Variants in C12orf42 observed in about 807,000 individuals in gnomAD.
The protein encoded by C12orf42 is chromosome 12 open reading frame 42, also known as uncharacterized protein C12orf42.
A neutral mutation model predicts 21.6 loss-of-function variants in C12orf42; 25 were observed. The ratio of observed to expected loss-of-function variants is 1.16; its 90% confidence interval spans 0.84 to 1.62. The LOEUF (loss-of-function observed/expected upper bound fraction) is 1.62. Ranked by LOEUF, C12orf42 falls within the 40% of genes most tolerant of loss-of-function variation. The pLI is 0.00. For synonymous variants in C12orf42, 174 were observed against 175.0 expected (o/e 0.99, Z 0.05); for missense variants, 483 against 459.3 (o/e 1.05, Z -0.47).
At chr12:103,192,238 C>T in the C12orf42 span, among the ~76,000 whole-genome samples, 1 of 152,090 alleles carries the variant, frequency 6.6e-6, no homozygotes, top group Non-Finnish European at 1.5e-5. Context: ...ACACATAGGG[C>T]TCATGTCTGT....
chr12:103,224,116 T>A, the C12orf42 span, among the ~76,000 whole-genome samples: 1 of 151,706 alleles, frequency 6.6e-6, no homozygotes. Flanking sequence ...AGGAAAGGCC[T>A]CTACCTATCC....
chr12:103,232,294 A>AT, the C12orf42 span, among the ~76,000 whole-genome samples: 1 of 152,028 alleles, frequency 6.6e-6, no homozygotes, highest in Admixed American at 6.6e-5. Flanking sequence ...GCACAGTAGA[A>AT]TTTTTTTATA....
intron 4 of C12orf42, among the ~76,000 whole-genome samples, chr12:103,350,645 T>C (rs1339784058): frequency 6.6e-6 from 1 of 152,178 alleles, no homozygotes; most frequent in African/African-American, 2.4e-5. Context: ...GATCTTGGAA[T>C]GTATTTCCCC....
chr12:103,520,903 T>C, the C12orf42 span, among the ~76,000 whole-genome samples: 12 of 152,162 alleles, frequency 7.9e-5, no homozygotes, highest in African/African-American at 2.9e-4. Flanking sequence ...TTTATTGCCT[T>C]CATTGTGAAG....
chr12:103,521,831 C>A, the C12orf42 span, among the ~76,000 whole-genome samples: 1 of 152,232 alleles, frequency 6.6e-6, no homozygotes, highest in Non-Finnish European at 1.5e-5. Context: ...GGAGCCCCAA[C>A]CAGTTGCAGT....
chr12:103,216,629 C>A, the C12orf42 span, among the ~76,000 whole-genome samples: 264 of 152,108 alleles, frequency 1.7e-3, no homozygotes, highest in Admixed American at 3.4e-3. Flanking sequence ...CCACCCGCCT[C>A]GGCCTCCTAA....
At chr12:103,233,458 T>A (rs2033368877), downstream of C12orf42, among the ~76,000 whole-genome samples, 1 of 152,230 alleles carries the variant, frequency 6.6e-6, no homozygotes. Context: ...TCCAGGAACA[T>A]GAAATAACTC....
intron 4 of C12orf42, among the ~76,000 whole-genome samples, chr12:103,367,712 C>G (rs559566163): frequency 1.3e-5 from 2 of 152,072 alleles, no homozygotes; most frequent in African/African-American, 4.8e-5. Flanking sequence ...AGGAAAAAGA[C>G]TGTCTACTAT....
chr12:103,307,362 G>C (rs1200614237), intron 4 of C12orf42, among the ~76,000 whole-genome samples: 1 of 152,178 alleles, frequency 6.6e-6, no homozygotes, highest in Non-Finnish European at 1.5e-5. Flanking sequence ...AGAGAGAAAA[G>C]AGCTATACCA....
At chr12:103,367,722 T>C (rs979296290) in intron 4 of C12orf42, among the ~76,000 whole-genome samples, 1 of 151,992 alleles carries the variant, frequency 6.6e-6, no homozygotes, top group Non-Finnish European at 1.5e-5. Flanking sequence ...CTGTCTACTA[T>C]GTACCTCTTT....
At chr12:103,068,933 A>T in the C12orf42 span, among the ~76,000 whole-genome samples, 38 of 45,758 alleles carry the variant, frequency 8.3e-4, no homozygotes, top group Non-Finnish European at 1.2e-3. Flanking sequence ...CTCTCTCTCC[A>T]CATATATATA....
rs529885851 is a variant in C12orf42, at chr12:103,424,043, C to T, written c.79-22368G>A. Among the ~76,000 whole-genome samples, 14 of 152,272 alleles carry T rather than the reference C, an allele frequency of 9.2e-5. No individual in the cohort carries two copies. In the South Asian group the frequency reaches 2.3e-3, roughly 25 times the overall value. The stretch of plus-strand genomic sequence containing the variant: ...TTTTGTGTATTGGATGACATTTGGG[C>T]CATTTTGGCAAATGAATGAATGGAG... On this transcript the variant is annotated intron_variant, in intron 2 of 5. Transcript: ENST00000548883.
the C12orf42 span, among the ~76,000 whole-genome samples, chr12:103,511,546 T>C: frequency 6.6e-6 from 1 of 152,014 alleles, no homozygotes; most frequent in Non-Finnish European, 1.5e-5. Context: ...AAGTGGCCTA[T>C]TCCACTGCTC....
chr12:103,509,178 C>T, the C12orf42 span, among the ~76,000 whole-genome samples: 2 of 152,122 alleles, frequency 1.3e-5, no homozygotes, highest in Non-Finnish European at 2.9e-5. Context: ...CTTTTCACAC[C>T]AGGGTTTCCT....
intron 4 of C12orf42, among the ~76,000 whole-genome samples, chr12:103,366,405 C>G (rs2044605117): frequency 6.6e-6 from 1 of 151,988 alleles, no homozygotes; most frequent in Non-Finnish European, 1.5e-5. Flanking sequence ...TTGGCTTAAG[C>G]AAGGATTTCA....
At chr12:103,385,959 A>G (rs1001071506) in intron 3 of C12orf42, among the ~76,000 whole-genome samples, 2 of 152,240 alleles carry the variant, frequency 1.3e-5, no homozygotes, top group Admixed American at 6.5e-5. Context: ...GCTTCATTAA[A>G]AAGAGACACA....
At chr12:103,216,843 TTC>T in the C12orf42 span, among the ~76,000 whole-genome samples, 3 of 151,930 alleles carry the variant, frequency 2.0e-5, no homozygotes, top group African/African-American at 7.2e-5. Context: ...TAATTTCTTT[TTC>T]TCTCTTTCTT....
At chr12:103,410,791 A>G (rs1398234097) in intron 2 of C12orf42, among the ~76,000 whole-genome samples, 2 of 152,236 alleles carry the variant, frequency 1.3e-5, no homozygotes, top group East Asian at 3.8e-4. Context: ...AAATCAGATT[A>G]AAAGTAGAAG....
At chr12:103,263,545 TA>T (rs1001417256), downstream of C12orf42, among the ~76,000 whole-genome samples, 5 of 152,066 alleles carry the variant, frequency 3.3e-5, no homozygotes, top group African/African-American at 9.7e-5. Context: ...TCCAAGGAGA[TA>T]GTGGTCCTGG....
Sources: allele counts gnomAD v4.1 joint callset (sites outside exome capture counted in the v4.1 genomes callset), GRCh38; gene constraint gnomAD v4.1.1; transcripts MANE v1.5; gene names NCBI Gene and HGNC (gene_info 2026-07-23, HGNC 2026-07-21).